The following GPC5 variants were observed in gnomAD, a reference collection of about 807,000 sequenced individuals.
GPC5 encodes the protein glypican 5, also known as glypican-5.
GPC5 carries 47 observed loss-of-function variants against 53.9 expected under a neutral mutation model. The observed-to-expected ratio is 0.87, with a 90% CI of 0.69 to 1.11. GPC5 has a LOEUF of 1.11. GPC5 is among the 50% of genes most tolerant of loss of function. The pLI is 0.00. For missense variants in GPC5, 748 were observed against 713.1 expected, an observed-to-expected ratio of 1.05 and a Z score of -0.56; for synonymous variants, 286 against 263.3, an observed-to-expected ratio of 1.09 and a Z score of -0.84.
chr13:92,724,042 T>A (rs1461562932), intron 7 of GPC5, among the ~76,000 whole-genome samples: 1 of 151,608 alleles, frequency 6.6e-6, no homozygotes, highest in Non-Finnish European at 1.5e-5. Flanking sequence ...CTTTTAATGT[T>A]TATGTTGTAT....
intron 7 of GPC5, among the ~76,000 whole-genome samples, chr13:92,679,136 G>A (rs1374437817): frequency 6.6e-6 from 1 of 152,038 alleles, no homozygotes; most frequent in Admixed American, 6.6e-5. Context: ...ATTAGCATGG[G>A]GCTGGTATTT....
intron 5 of GPC5, among the ~76,000 whole-genome samples, chr13:91,778,328 C>T (rs891608702): frequency 3.3e-5 from 5 of 152,068 alleles, no homozygotes; most frequent in African/African-American, 1.2e-4. Context: ...AAAGTGAAAC[C>T]GAGTATTCAA....
chr13:91,653,493 C>A (rs570745222), intron 2 of GPC5, among the ~76,000 whole-genome samples: 1 of 152,058 alleles, frequency 6.6e-6, no homozygotes, highest in Non-Finnish European at 1.5e-5. Context: ...TCAATAATAA[C>A]TTAATGGTAC....
intron 7 of GPC5, among the ~76,000 whole-genome samples, chr13:92,704,490 A>C (rs1887875082): frequency 6.6e-6 from 1 of 152,024 alleles, no homozygotes; most frequent in Admixed American, 6.6e-5. Flanking sequence ...TGATTTTCCC[A>C]ATTGGAAAAT....
chr13:92,224,141 C>G (rs1343608504), intron 7 of GPC5, among the ~76,000 whole-genome samples: 3 of 152,038 alleles, frequency 2.0e-5, no homozygotes, highest in Non-Finnish European at 4.4e-5. Flanking sequence ...AACCTGAACT[C>G]TAAAAGAACT....
At chr13:92,774,783 A>T (rs575016187) in intron 7 of GPC5, among the ~76,000 whole-genome samples, 2 of 152,162 alleles carry the variant, frequency 1.3e-5, no homozygotes, top group Non-Finnish European at 2.9e-5. Flanking sequence ...AAGGCAACAG[A>T]TTTTTAATAT....
intron 2 of GPC5, among the ~76,000 whole-genome samples, chr13:91,542,113 C>G (rs1213074190): frequency 6.6e-6 from 1 of 151,836 alleles, no homozygotes; most frequent in Non-Finnish European, 1.5e-5. Context: ...ATAGGACATT[C>G]TTTCAGTATA....
At chr13:92,466,179 G>T (rs1878683691) in intron 7 of GPC5, among the ~76,000 whole-genome samples, 1 of 88,480 alleles carries the variant, frequency 1.1e-5, no homozygotes, top group African/African-American at 5.5e-5. Flanking sequence ...CGTATTATTT[G>T]TTAATTAAAA....
At chr13:91,920,887 C>A (rs2039704761) in intron 6 of GPC5, among the ~76,000 whole-genome samples, 1 of 142,876 alleles carries the variant, frequency 7.0e-6, no homozygotes, top group Non-Finnish European at 1.5e-5. Context: ...CAACTTGTAC[C>A]ACTTTATCCT....
intron 6 of GPC5, among the ~76,000 whole-genome samples, chr13:92,030,082 G>T (rs887757403): frequency 6.6e-6 from 1 of 152,146 alleles, no homozygotes; most frequent in Non-Finnish European, 1.5e-5. Context: ...TTGTATGAAA[G>T]TATCCAGTAT....
At chr13:91,873,271 T>C (rs910696634) in intron 5 of GPC5, among the ~76,000 whole-genome samples, 2 of 152,226 alleles carry the variant, frequency 1.3e-5, no homozygotes, top group Non-Finnish European at 2.9e-5. Flanking sequence ...GAATGGACTC[T>C]AGTCAGATTG....
At chr13:91,627,663 G>A in intron 2 of GPC5, among the ~76,000 whole-genome samples, 1 of 151,868 alleles carries the variant, frequency 6.6e-6, no homozygotes, top group East Asian at 1.9e-4. Context: ...TCTCTAATTG[G>A]GTTGAATCTT....
chr13:92,123,354 T>A (rs1407675507), intron 6 of GPC5, among the ~76,000 whole-genome samples: 1 of 152,164 alleles, frequency 6.6e-6, no homozygotes, highest in Non-Finnish European at 1.5e-5. Flanking sequence ...ACAAGATTGT[T>A]ATATGACATT....
At chr13:91,407,107 C>T (rs753334539) in intron 1 of GPC5, among the ~76,000 whole-genome samples, 1 of 151,990 alleles carries the variant, frequency 6.6e-6, no homozygotes, top group African/African-American at 2.4e-5. Context: ...TTTGTAGATA[C>T]CTAATAGGTT....
chr13:91,565,676 A>T (rs191231360), intron 2 of GPC5, among the ~76,000 whole-genome samples: 1 of 152,336 alleles, frequency 6.6e-6, no homozygotes, highest in South Asian at 2.1e-4. Context: ...AATGTAACCG[A>T]CTATTAGTTA....
intron 6 of GPC5, among the ~76,000 whole-genome samples, chr13:92,105,196 C>T (rs1473521411): frequency 6.6e-6 from 1 of 151,894 alleles, no homozygotes; most frequent in Non-Finnish European, 1.5e-5. Flanking sequence ...GGGGAATTCA[C>T]AACTATGCGT....
At chr13:91,576,173 A>G (rs1041590638) in intron 2 of GPC5, among the ~76,000 whole-genome samples, 1 of 152,260 alleles carries the variant, frequency 6.6e-6, no homozygotes, top group African/African-American at 2.4e-5. Context: ...AATAAATTCA[A>G]GAGATCTATC....
intron 7 of GPC5, among the ~76,000 whole-genome samples, chr13:92,186,680 T>C (rs1328563733): frequency 6.6e-6 from 1 of 152,224 alleles, no homozygotes; most frequent in African/African-American, 2.4e-5. Context: ...AACTCACTAC[T>C]GACTGCATCG....
At chr13:91,889,023 T>C (rs540907071) in intron 5 of GPC5, among the ~76,000 whole-genome samples, 83 of 152,318 alleles carry the variant, frequency 5.4e-4, no homozygotes, top group African/African-American at 1.9e-3. Flanking sequence ...CAATTTGTAA[T>C]TGGCAAATTC....
Sources: gnomAD v4.1 joint callset for allele counts (sites outside exome capture counted in the v4.1 genomes callset) on GRCh38, gnomAD v4.1.1 for gene constraint, MANE v1.5 for transcripts, NCBI Gene and HGNC (gene_info 2026-07-23, HGNC 2026-07-21) for gene names.